STXBP5L: variants seen among roughly 807,000 people sequenced by gnomAD.
The protein encoded by STXBP5L is syntaxin-binding protein 5-like.
In STXBP5L, 65 loss-of-function variants were observed where a neutral mutation model predicts 144.5. The ratio of observed to expected loss-of-function variants is 0.45; its 90% CI spans 0.37 to 0.55. The LOEUF (loss-of-function observed/expected upper bound fraction) is 0.55, where lower values mean the gene tolerates loss of function less well. Among genes scored for constraint, STXBP5L ranks in the 20% least tolerant of loss-of-function variants. The pLI is 0.00. For missense variants in STXBP5L, 1,298 were observed against 1,405.5 expected, an observed-to-expected ratio of 0.92 and a Z score of 1.22; for synonymous variants, 505 against 469.6, an observed-to-expected ratio of 1.08 and a Z score of -0.97.
intron 22 of STXBP5L, among the ~76,000 whole-genome samples, chr3:121,386,366 A>G (rs2046425664): frequency 6.6e-6 from 1 of 152,138 alleles, no homozygotes; most frequent in South Asian, 2.1e-4. Context: ...CTCCAGCTGC[A>G]TTCACATTGC....
At chr3:121,345,716 TGGTATCTC>T (rs1191103095) in intron 20 of STXBP5L, among the ~76,000 whole-genome samples, 7 of 152,138 alleles carry the variant, frequency 4.6e-5, no homozygotes, top group African/African-American at 1.7e-4. Flanking sequence ...TGGCATGAGA[TGGTATCTC>T]ATTGTGGTAT....
At chr3:121,141,344 G>A (rs1014945792) in intron 7 of STXBP5L, among the ~76,000 whole-genome samples, 18 of 152,098 alleles carry the variant, frequency 1.2e-4, no homozygotes, top group African/African-American at 3.9e-4. Flanking sequence ...CAGAAGTTGC[G>A]GTGAGCTGAG....
intron 3 of STXBP5L, among the ~76,000 whole-genome samples, chr3:120,979,164 G>A (rs1014631103): frequency 1.3e-5 from 2 of 152,212 alleles, no homozygotes; most frequent in African/African-American, 4.8e-5. Flanking sequence ...AGCCTACAGA[G>A]GCAGGCAGGC....
intron 3 of STXBP5L, among the ~76,000 whole-genome samples, chr3:121,015,759 G>T (rs1240926902): frequency 6.6e-6 from 1 of 152,114 alleles, no homozygotes; most frequent in Non-Finnish European, 1.5e-5. Flanking sequence ...CTTTACTAGA[G>T]CCTTATCCAA....
At chr3:121,011,278 C>T (rs1206840515) in intron 3 of STXBP5L, among the ~76,000 whole-genome samples, 1 of 151,258 alleles carries the variant, frequency 6.6e-6, no homozygotes, top group Non-Finnish European at 1.5e-5. Context: ...TCCCCTTATT[C>T]GTTCTTATAT....
intron 11 of STXBP5L, among the ~76,000 whole-genome samples, chr3:121,233,191 A>G (rs2049362581): frequency 6.6e-6 from 1 of 152,198 alleles, no homozygotes; most frequent in South Asian, 2.1e-4. Flanking sequence ...TTGCTCTTAT[A>G]CAGATGTGAA....
intron 3 of STXBP5L, among the ~76,000 whole-genome samples, chr3:121,039,597 C>G (rs1947003144): frequency 1.3e-5 from 2 of 151,930 alleles, no homozygotes; most frequent in South Asian, 2.1e-4. Flanking sequence ...CCTGAAGACC[C>G]TCTTTCACAT....
intron 3 of STXBP5L, among the ~76,000 whole-genome samples, chr3:120,964,652 C>T (rs981091457): frequency 2.9e-4 from 44 of 152,158 alleles, no homozygotes; most frequent in African/African-American, 1.0e-3. Context: ...GTTGTAATTT[C>T]TGTTCTTTTA....
chr3:121,078,567 C>T (rs1261395434), intron 5 of STXBP5L, among the ~76,000 whole-genome samples: 1 of 152,218 alleles, frequency 6.6e-6, no homozygotes, highest in Non-Finnish European at 1.5e-5. Flanking sequence ...TGGGACTGGG[C>T]ACCATGGAGC....
chr3:121,397,694 T>C (rs1272017180), intron 22 of STXBP5L, among the ~76,000 whole-genome samples: 2 of 152,240 alleles, frequency 1.3e-5, no homozygotes, highest in Non-Finnish European at 2.9e-5. Context: ...GGCTATATAA[T>C]TGTTCTGGAA....
chr3:121,194,909 CTTTT>C (rs10717806), intron 9 of STXBP5L, among the ~76,000 whole-genome samples: 3 of 68,494 alleles, frequency 4.4e-5, no homozygotes, highest in East Asian at 4.6e-4. Context: ...TCTTTTCACT[CTTTT>C]TTTTTTTTTT....
chr3:121,185,814 T>C (rs1392655582), intron 9 of STXBP5L, among the ~76,000 whole-genome samples: 2 of 152,146 alleles, frequency 1.3e-5, no homozygotes, highest in African/African-American at 4.8e-5. Flanking sequence ...TTTAAAGTTG[T>C]TTTTTCCAAT....
chr3:121,241,403 ACACACACG>A (rs1332418366), intron 14 of STXBP5L, among the ~76,000 whole-genome samples: 18 of 83,214 alleles, frequency 2.2e-4, no homozygotes, highest in Admixed American at 7.2e-4. Context: ...ACACACACAC[ACACACACG>A]CACACACCTT....
At chr3:120,983,589 G>C (rs917416564) in intron 3 of STXBP5L, among the ~76,000 whole-genome samples, 6 of 152,144 alleles carry the variant, frequency 3.9e-5, no homozygotes, top group Non-Finnish European at 7.4e-5. Context: ...GTTCGAAAAT[G>C]CCTTTGTGTA....
Position 121,290,212 on chromosome 3 carries a change from TGG to T in STXBP5L, c.2110+10258_2110+10259del, listed in dbSNP as rs2051377986. On this transcript the variant is annotated intron_variant, in intron 19 of 26. Coordinates refer to ENST00000471454, the MANE Select transcript of STXBP5L (RefSeq NM_001308330.2). ...CCAAATAAACTCAATTAGAAACAAA[TGG>T]GAAATATTACAACCAATACAACAGA... Among the ~76,000 whole-genome samples the T allele has an allele frequency of 2.0e-5, 3 of 151,884 alleles. No individual in the cohort carries two copies. In the South Asian group the frequency reaches 6.2e-4, roughly 32 times the overall value.
At chr3:121,181,201 A>ACGT (rs1361863097) in intron 9 of STXBP5L, among the ~76,000 whole-genome samples, 2 of 151,988 alleles carry the variant, frequency 1.3e-5, no homozygotes, top group Non-Finnish European at 2.9e-5. Context: ...ACAGTATCTC[A>ACGT]CGTCTCAGTA....
At chr3:121,139,431 A>G (rs998153989) in intron 7 of STXBP5L, among the ~76,000 whole-genome samples, 2 of 152,084 alleles carry the variant, frequency 1.3e-5, no homozygotes, top group African/African-American at 2.4e-5. Context: ...GAGGAGTACC[A>G]TTACACATGA....
intron 20 of STXBP5L, among the ~76,000 whole-genome samples, chr3:121,342,650 T>C (rs9845742): frequency 0.1 from 15,137 of 151,760 alleles, 1,183 homozygotes; most frequent in Admixed American, 0.2. Context: ...TCCAATTTCA[T>C]CCATGTCCCT....
At chr3:120,990,171 A>T (rs963599107) in intron 3 of STXBP5L, among the ~76,000 whole-genome samples, 25 of 152,166 alleles carry the variant, frequency 1.6e-4, no homozygotes, top group Non-Finnish European at 1.0e-4. Flanking sequence ...ATAACAGACA[A>T]ACAGAGAGCC....
Sources: gnomAD v4.1 joint callset for allele counts (sites outside exome capture counted in the v4.1 genomes callset) on GRCh38, gnomAD v4.1.1 for gene constraint, MANE v1.5 for transcripts, NCBI Gene and HGNC (gene_info 2026-07-23, HGNC 2026-07-21) for gene names.